The following CABIN1 variants were observed in gnomAD, a reference collection of about 807,000 sequenced individuals.
CABIN1 encodes calcineurin-binding protein cabin-1.
Under a neutral mutation model 227.7 loss-of-function variants are expected in CABIN1, and 133 were observed. The ratio of observed to expected loss-of-function variants is 0.58; its 90% CI spans 0.51 to 0.67. The LOEUF is 0.67. Among genes scored for constraint, CABIN1 ranks in the 30% least tolerant of loss-of-function variants. The pLI, the probability that CABIN1 is intolerant of heterozygous loss-of-function variation, is 0.00. For synonymous variants in CABIN1, 1,086 were observed against 1,155.1 expected (o/e 0.94, Z 1.21); for missense variants, 2,408 against 2,852.5 (o/e 0.84, Z 3.55).
intron 26 of CABIN1, among the ~76,000 whole-genome samples, chr22:24,110,615 T>C (rs963717350): frequency 7.2e-6 from 1 of 139,112 alleles, no homozygotes; most frequent in Admixed American, 7.7e-5. Flanking sequence ...CTCTCAGTTT[T>C]TGTTTGCCTG....
intron 29 of CABIN1, among the ~76,000 whole-genome samples, chr22:24,150,005 C>T (rs151257167): frequency 5.1e-4 from 77 of 152,346 alleles, no homozygotes; most frequent in East Asian, 1.9e-3. Flanking sequence ...CCCTGCCTCA[C>T]GGGTGTGGGG....
intron 22 of CABIN1, 49 bp from the exon 23 acceptor site, chr22:24,087,403 G>C (rs757755565): frequency 1.4e-5 from 22 of 1,608,056 alleles, no homozygotes; most frequent in Non-Finnish European, 1.7e-5. Flanking sequence ...TATCTTCCAT[G>C]CTTTTCATGT....
intron 29 of CABIN1, among the ~76,000 whole-genome samples, chr22:24,135,530 A>G (rs913419537): frequency 1.3e-5 from 2 of 151,488 alleles, no homozygotes; most frequent in African/African-American, 4.9e-5. Flanking sequence ...AGGCCTACAT[A>G]TGCTCCTCTT....
At chr22:24,128,499 G>A (rs35758117) in intron 28 of CABIN1, among the ~76,000 whole-genome samples, 2,888 of 152,154 alleles carry the variant, frequency 0.019, 36 homozygotes, top group South Asian at 0.036. Flanking sequence ...CAGCTTATGG[G>A]TGTCCCCAGC....
At chr22:24,089,485 A>T (rs2041395765) in intron 23 of CABIN1, among the ~76,000 whole-genome samples, 1 of 152,114 alleles carries the variant, frequency 6.6e-6, no homozygotes, top group Admixed American at 6.5e-5. Context: ...CAGGAGAGAG[A>T]TGGAAATCCA....
intron 29 of CABIN1, among the ~76,000 whole-genome samples, chr22:24,153,813 A>G (rs1251904605): frequency 1.3e-5 from 2 of 152,160 alleles, no homozygotes; most frequent in East Asian, 1.9e-4. Context: ...AAGTCTCCCC[A>G]GAGGCTTTAC....
chr22:24,100,743 C>T (rs1034963029), intron 26 of CABIN1, among the ~76,000 whole-genome samples: 1 of 152,182 alleles, frequency 6.6e-6, no homozygotes, highest in African/African-American at 2.4e-5. Flanking sequence ...AGGCCCTGGT[C>T]AAAGGATCTG....
At chr22:24,141,889 C>T (rs1014535116) in intron 29 of CABIN1, among the ~76,000 whole-genome samples, 4 of 152,168 alleles carry the variant, frequency 2.6e-5, no homozygotes, top group Non-Finnish European at 5.9e-5. Flanking sequence ...CCTGTGCTGT[C>T]CCAGCCCTGG....
intron 29 of CABIN1, among the ~76,000 whole-genome samples, chr22:24,151,421 A>AT (rs1361457566): frequency 2.0e-5 from 3 of 152,072 alleles, no homozygotes; most frequent in African/African-American, 7.2e-5. Context: ...CACAAAAGCC[A>AT]TTTTTTAGGG....
intron 29 of CABIN1, chr22:24,160,202 CTA>C (rs1397019871): frequency 6.6e-6 from 1 of 152,168 alleles, no homozygotes; most frequent in Non-Finnish European, 1.5e-5. Context: ...GGATGAATCT[CTA>C]TGTCCCTACT....
At chr22:24,141,047 A>G (rs2044727191) in intron 29 of CABIN1, among the ~76,000 whole-genome samples, 1 of 152,224 alleles carries the variant, frequency 6.6e-6, no homozygotes, top group Non-Finnish European at 1.5e-5. Context: ...GGCATGCCAC[A>G]CAAATCACCC....
At chr22:24,152,465 C>T (rs2045542588) in intron 29 of CABIN1, among the ~76,000 whole-genome samples, 1 of 152,162 alleles carries the variant, frequency 6.6e-6, no homozygotes, top group African/African-American at 2.4e-5. Context: ...AACTGTAAGG[C>T]TCAGCAGTCT....
chr22:24,053,504 A>C (rs1052104567), intron 8 of CABIN1, among the ~76,000 whole-genome samples: 3 of 151,968 alleles, frequency 2.0e-5, no homozygotes, highest in Non-Finnish European at 4.4e-5. Flanking sequence ...CAGCCTCCCA[A>C]GTAATTAGAA....
chr22:24,071,522 A>G (rs997806007), intron 17 of CABIN1, among the ~76,000 whole-genome samples: 4 of 152,062 alleles, frequency 2.6e-5, no homozygotes, highest in Non-Finnish European at 5.9e-5. Context: ...CGCTCAGGCC[A>G]TCAGCAAGTC....
chr22:24,156,254 C>T (rs1343301954), intron 29 of CABIN1, among the ~76,000 whole-genome samples: 3 of 152,090 alleles, frequency 2.0e-5, no homozygotes, highest in Non-Finnish European at 4.4e-5. Flanking sequence ...CCAGGCGCAG[C>T]AGGAAGCCCG....
intron 34 of CABIN1, among the ~76,000 whole-genome samples, chr22:24,172,369 G>T (rs1334727755): frequency 6.6e-6 from 1 of 152,230 alleles, no homozygotes; most frequent in African/African-American, 2.4e-5. Flanking sequence ...CCCACACCAG[G>T]CCTCCCTCAG....
chr22:24,139,266 G>A (rs576969023), intron 29 of CABIN1, among the ~76,000 whole-genome samples: 3 of 152,254 alleles, frequency 2.0e-5, no homozygotes, highest in Non-Finnish European at 2.9e-5. Context: ...CAGATGTGTC[G>A]TGCGGCTTTT....
chr22:24,031,961 C>T (rs2146859571), intron 1 of CABIN1, among the ~76,000 whole-genome samples: 1 of 152,294 alleles, frequency 6.6e-6, no homozygotes, highest in South Asian at 2.1e-4. Context: ...TGATTGTTTA[C>T]TTCTGGATAT....
intron 26 of CABIN1, among the ~76,000 whole-genome samples, chr22:24,112,145 T>TTTTC (rs553943178): frequency 6.6e-6 from 1 of 152,246 alleles, no homozygotes. Context: ...CGATGTACTT[T>TTTTC]TTTCTTTCTT....
Sources: allele counts gnomAD v4.1 joint callset (sites outside exome capture counted in the v4.1 genomes callset), GRCh38; gene constraint gnomAD v4.1.1; transcripts MANE v1.5; gene names NCBI Gene and HGNC (gene_info 2026-07-23, HGNC 2026-07-21).